SOX5: variants seen among roughly 807,000 people sequenced by gnomAD.
The protein encoded by SOX5 is transcription factor SOX-5.
SOX5 carries 9 observed loss-of-function variants against 92.0 expected under a neutral mutation model. That is an observed-to-expected ratio of 0.10 (90% confidence interval 0.06 to 0.17). The LOEUF (loss-of-function observed/expected upper bound fraction) is 0.17. Ranked by LOEUF, SOX5 falls within the 10% of genes least tolerant of loss-of-function variation. The pLI is 1.00. For synonymous variants in SOX5, 344 were observed against 336.3 expected (o/e 1.02, Z -0.25); for missense variants, 642 against 944.5 (o/e 0.68, Z 4.20).
intron 1 of SOX5, among the ~76,000 whole-genome samples, chr12:24,465,514 G>A (rs78940687): frequency 0.02 from 2,980 of 152,258 alleles, 108 homozygotes; most frequent in African/African-American, 0.069. Context: ...TCTTGCTTTC[G>A]TAGTGCTTGC....
chr12:23,897,895 TTC>T (rs2097193423), intron 1 of SOX5, among the ~76,000 whole-genome samples: 3 of 152,160 alleles, frequency 2.0e-5, no homozygotes, highest in Admixed American at 6.5e-5. Flanking sequence ...GATACCACAT[TTC>T]AAGTAATTTT....
chr12:23,847,682 ATG>A (rs1365572316), intron 2 of SOX5, among the ~76,000 whole-genome samples: 1 of 152,088 alleles, frequency 6.6e-6, no homozygotes, highest in Non-Finnish European at 1.5e-5. Flanking sequence ...GAAAAAAAAA[ATG>A]TGCACAACAG....
rs1418516084 is a variant in SOX5, at chr12:24,010,668, C to T, written c.-1-114644G>A. 2.0e-5 allele frequency among the ~76,000 whole-genome samples: 3 copies of T among 152,194 alleles called. No individual in the cohort carries two copies. In the East Asian group the frequency reaches 5.8e-4, roughly 29 times the overall value. On this transcript the variant is annotated intron_variant, in intron 4 of 4. Transcript: ENST00000446891. Reference sequence around the variant, plus strand: ...TAATATTCTAGGCCGGGTGCTGTGGCTCATGCCTGTAATCCCAGCACTTTG... The same window carrying T: ...TAATATTCTAGGCCGGGTGCTGTGGTTCATGCCTGTAATCCCAGCACTTTG...
chr12:24,267,265 T>C (rs1943143206), intron 3 of SOX5, among the ~76,000 whole-genome samples: 1 of 152,112 alleles, frequency 6.6e-6, no homozygotes, highest in Non-Finnish European at 1.5e-5. Context: ...CCTTACCATG[T>C]TGTGAGGGGA....
intron 9 of SOX5, among the ~76,000 whole-genome samples, chr12:23,599,042 G>A (rs992189730): frequency 9.2e-5 from 14 of 152,162 alleles, no homozygotes; most frequent in Non-Finnish European, 2.1e-4. Flanking sequence ...AGATTAGTGT[G>A]TATTGATATA....
intron 8 of SOX5, among the ~76,000 whole-genome samples, chr12:23,608,311 C>T (rs1220238921): frequency 6.6e-6 from 1 of 151,986 alleles, no homozygotes. Context: ...CTTTCTATTG[C>T]TTAAAACATT....
At chr12:23,882,909 T>C (rs2097013219) in intron 2 of SOX5, among the ~76,000 whole-genome samples, 1 of 152,000 alleles carries the variant, frequency 6.6e-6, no homozygotes, top group Non-Finnish European at 1.5e-5. Flanking sequence ...AGGGCGGGCG[T>C]GGTGGCTCAC....
intron 7 of SOX5, among the ~76,000 whole-genome samples, chr12:23,664,047 T>C (rs963415196): frequency 2.6e-5 from 4 of 152,128 alleles, no homozygotes; most frequent in Admixed American, 1.3e-4. Flanking sequence ...ATTTGTATAG[T>C]CTTGAATGCA....
In SOX5 at chr12:23,992,524, CT is replaced by C. The variant is rs539129279; in HGVS notation, c.-1-96501del. On this transcript the variant is annotated intron_variant, in intron 4 of 4. Transcript: ENST00000446891. ...TAATAATGATCACCAGATGTTTAATCTTTTTTTATTCCATAAATGCATCATC... is the reference window on the plus strand; with the variant it reads ...TAATAATGATCACCAGATGTTTAATCTTTTTTATTCCATAAATGCATCATC... Among the ~76,000 whole-genome samples, 1,045 of 152,184 alleles carry C rather than the reference CT, an allele frequency of 6.9e-3. 15 individuals carry two copies. Among genetic ancestry groups the C allele is most frequent in the African/African-American group, 0.024 (997 of 41,546 alleles).
intron 8 of SOX5, among the ~76,000 whole-genome samples, chr12:23,605,158 G>T (rs1027481704): frequency 6.6e-6 from 1 of 151,972 alleles, no homozygotes; most frequent in Non-Finnish European, 1.5e-5. Context: ...AAATTATCTT[G>T]ACGACTAAGG....
At chr12:23,610,071 A>G (rs1056718740) in intron 8 of SOX5, among the ~76,000 whole-genome samples, 5 of 152,196 alleles carry the variant, frequency 3.3e-5, no homozygotes, top group African/African-American at 1.2e-4. Flanking sequence ...AAAAAATAGT[A>G]TAATTGTATT....
intron 1 of SOX5, among the ~76,000 whole-genome samples, chr12:23,949,029 G>T (rs1036594328): frequency 1.4e-4 from 21 of 151,876 alleles, no homozygotes; most frequent in African/African-American, 4.8e-4. Flanking sequence ...AATTTTCTTT[G>T]GGGGGAAAAA....
At chr12:24,075,960 C>T (rs1030008756) in intron 4 of SOX5, among the ~76,000 whole-genome samples, 3 of 152,126 alleles carry the variant, frequency 2.0e-5, no homozygotes, top group South Asian at 2.1e-4. Flanking sequence ...TGGAGATACT[C>T]AACACTTAGA....
At chr12:23,727,412 A>G (rs968494620) in intron 6 of SOX5, among the ~76,000 whole-genome samples, 1 of 152,160 alleles carries the variant, frequency 6.6e-6, no homozygotes, top group Admixed American at 6.6e-5. Flanking sequence ...TGGAGGTTTT[A>G]TTTAATCATA....
intron 4 of SOX5, among the ~76,000 whole-genome samples, chr12:24,068,990 GA>G (rs777019850): frequency 0.046 from 6,330 of 138,548 alleles, 383 homozygotes; most frequent in African/African-American, 0.14. Flanking sequence ...AGGAATTTGG[GA>G]AAAAAAAAAA....
At chr12:23,986,880 A>C (rs1471428438) in intron 4 of SOX5, among the ~76,000 whole-genome samples, 1 of 152,154 alleles carries the variant, frequency 6.6e-6, no homozygotes, top group Admixed American at 6.6e-5. Flanking sequence ...TTTTCTGGGA[A>C]AGAAAAAGCT....
intron 1 of SOX5, among the ~76,000 whole-genome samples, chr12:24,400,731 C>T (rs564071137): frequency 6.6e-6 from 1 of 152,298 alleles, no homozygotes; most frequent in South Asian, 2.1e-4. Context: ...AGAATAACCA[C>T]CCCCTCCATG....
chr12:24,282,371 T>G (rs1309570275), intron 2 of SOX5, among the ~76,000 whole-genome samples: 1 of 149,682 alleles, frequency 6.7e-6, no homozygotes, highest in Non-Finnish European at 1.5e-5. Context: ...AATAAATCAA[T>G]AAATAAAAAT....
intron 3 of SOX5, among the ~76,000 whole-genome samples, chr12:24,247,550 T>A (rs1042016453): frequency 2.6e-5 from 4 of 151,326 alleles, no homozygotes; most frequent in African/African-American, 9.7e-5. Context: ...GTGGTAAGGC[T>A]GGGGGAGTTG....
Sources: allele counts gnomAD v4.1 joint callset (sites outside exome capture counted in the v4.1 genomes callset), GRCh38; gene constraint gnomAD v4.1.1; transcripts MANE v1.5; gene names NCBI Gene and HGNC (gene_info 2026-07-23, HGNC 2026-07-21).